The following CHODL variants were observed in gnomAD, a reference collection of about 807,000 sequenced individuals.
The protein encoded by CHODL is transmembrane protein MT75.
CHODL carries 29 observed loss-of-function variants against 34.5 expected under a neutral mutation model. The observed-to-expected ratio is 0.84, with a 90% confidence interval of 0.63 to 1.15. The LOEUF is 1.15. Among genes scored for constraint, CHODL ranks in the 50% most tolerant of loss-of-function variants. The pLI is 0.00. For missense variants in CHODL, 332 were observed against 332.5 expected (o/e 1.00, Z 0.01); for synonymous variants, 125 against 116.1 (o/e 1.08, Z -0.49).
At chr21:18,028,401 A>G (rs1011595156) in intron 2 of CHODL, among the ~76,000 whole-genome samples, 1 of 151,252 alleles carries the variant, frequency 6.6e-6, no homozygotes, top group African/African-American at 2.4e-5. Flanking sequence ...AAGATCAAGA[A>G]CTAGACTTGT....
intron 1 of CHODL, among the ~76,000 whole-genome samples, chr21:17,970,663 A>C (rs1214733639): frequency 6.6e-6 from 1 of 152,040 alleles, no homozygotes; most frequent in African/African-American, 2.4e-5. Flanking sequence ...TAAGTCCTTT[A>C]GTGGTGATTT....
At chr21:18,196,162 A>G (rs2073585566) in intron 2 of CHODL, among the ~76,000 whole-genome samples, 1 of 152,182 alleles carries the variant, frequency 6.6e-6, no homozygotes, top group Admixed American at 6.5e-5. Context: ...ATCTGTATCA[A>G]TCTCTATTTT....
intron 2 of CHODL, among the ~76,000 whole-genome samples, chr21:18,095,592 A>G (rs2065130401): frequency 6.6e-6 from 1 of 152,188 alleles, no homozygotes; most frequent in South Asian, 2.1e-4. Flanking sequence ...AAAAGCTAAT[A>G]CCAGTCCTAC....
intron 1 of CHODL, among the ~76,000 whole-genome samples, chr21:17,976,065 T>G (rs909526000): frequency 3.3e-5 from 5 of 151,946 alleles, no homozygotes; most frequent in Non-Finnish European, 7.4e-5. Context: ...ACTCTAAAAT[T>G]AATGGATTAA....
intron 5 of CHODL, among the ~76,000 whole-genome samples, chr21:18,263,151 G>T (rs1601227349): frequency 6.6e-6 from 1 of 152,076 alleles, no homozygotes; most frequent in African/African-American, 2.4e-5. Flanking sequence ...TACCTAGTCT[G>T]CCTTGGGTAC....
intron 1 of CHODL, among the ~76,000 whole-genome samples, chr21:17,921,232 C>A (rs553034200): frequency 6.6e-6 from 1 of 152,220 alleles, no homozygotes; most frequent in African/African-American, 2.4e-5. Flanking sequence ...GAAGAATTCC[C>A]TCTTGCTTGA....
intron 1 of CHODL, among the ~76,000 whole-genome samples, chr21:17,952,315 A>C (rs539750680): frequency 1.3e-5 from 2 of 152,172 alleles, no homozygotes; most frequent in Admixed American, 6.5e-5. Flanking sequence ...TGACAACCAC[A>C]GGTTTATAGA....
intron 2 of CHODL, among the ~76,000 whole-genome samples, chr21:18,140,665 T>G (rs1251299645): frequency 6.6e-6 from 1 of 152,172 alleles, no homozygotes; most frequent in Non-Finnish European, 1.5e-5. Flanking sequence ...AGAAGGACTC[T>G]GCTTTCATAG....
upstream of CHODL, among the ~76,000 whole-genome samples, chr21:18,242,319 T>G (rs2074090041): frequency 6.6e-6 from 1 of 152,206 alleles, no homozygotes; most frequent in Non-Finnish European, 1.5e-5. Context: ...AATAAAATTA[T>G]TGAATATTTG....
chr21:18,198,935 C>T (rs1007536853), intron 2 of CHODL, among the ~76,000 whole-genome samples: 2 of 152,006 alleles, frequency 1.3e-5, no homozygotes, highest in African/African-American at 4.8e-5. Context: ...TATAAAATTA[C>T]TAGGAAACAG....
chr21:18,208,119 G>T (rs1170965608), intron 2 of CHODL, among the ~76,000 whole-genome samples: 1 of 148,018 alleles, frequency 6.8e-6, no homozygotes, highest in Non-Finnish European at 1.5e-5. Flanking sequence ...ACTGTTTTGA[G>T]TTTATTTCTA....
At chr21:18,201,199 A>G (rs1367632386) in intron 2 of CHODL, among the ~76,000 whole-genome samples, 1 of 152,232 alleles carries the variant, frequency 6.6e-6, no homozygotes, top group Non-Finnish European at 1.5e-5. Context: ...TTATTCCTTA[A>G]CTATAAATGT....
chr21:17,918,161 A>AG (rs138894315), intron 1 of CHODL, among the ~76,000 whole-genome samples: 2 of 152,074 alleles, frequency 1.3e-5, no homozygotes, highest in African/African-American at 2.4e-5. Context: ...ACTGGGGGTG[A>AG]GGGGGGTTTT....
At chr21:17,994,106 A>G (rs931941423) in intron 1 of CHODL, among the ~76,000 whole-genome samples, 20 of 151,608 alleles carry the variant, frequency 1.3e-4, no homozygotes, top group African/African-American at 4.6e-4. Flanking sequence ...GTCTCTATTG[A>G]GTTCTGCTCT....
At position 18,176,931 on chromosome 21, in the gene CHODL, CACA is replaced by C. The variant is rs1445547842; in HGVS notation, c.-44-79574_-44-79572del. 3.3e-5 allele frequency among the ~76,000 whole-genome samples: 5 copies of C among 151,968 alleles called. No individual in the cohort carries two copies. In the East Asian group the frequency reaches 9.6e-4, roughly 29 times the overall value. ...TAAGGAAGACAAAAAGGAAAATAAA[CACA>C]ACATTCATTGCAGAAAGAAGATAAA... On this transcript the variant is annotated intron_variant, in intron 2 of 6. Coordinates refer to the CHODL transcript ENST00000400127.
At position 18,071,239 on chromosome 21, in the gene CHODL, C is replaced by T. The variant is rs568960740; in HGVS notation, c.-45+43268C>T. Among the ~76,000 whole-genome samples, 10 of 149,254 alleles carry T rather than the reference C, an allele frequency of 6.7e-5. 1 individual carries two copies. The highest frequency in any genetic ancestry group is 1.2e-4 in the Non-Finnish European group (8 of 67,518). On this transcript the variant is annotated intron_variant, in intron 2 of 6. Coordinates refer to the CHODL transcript ENST00000400127. ...GCAGCTCACTGCAACCTCTGCTTTC[C>T]GGGTTCAAATGATTCTCCCGCCACA...
intron 2 of CHODL, among the ~76,000 whole-genome samples, chr21:18,042,871 G>A (rs1175184951): frequency 1.3e-5 from 2 of 151,752 alleles, no homozygotes; most frequent in Non-Finnish European, 2.9e-5. Context: ...CAGAAAACTT[G>A]ATTTTGGGGC....
chr21:18,072,845 T>C (rs946890793), intron 2 of CHODL, among the ~76,000 whole-genome samples: 13 of 152,178 alleles, frequency 8.5e-5, no homozygotes, highest in African/African-American at 3.1e-4. Context: ...AAAAAAGTTT[T>C]CTTTTTTCTA....
chr21:18,260,402 GT>G, intron 4 of CHODL, 116 bp downstream of exon 4: 1 of 623,074 alleles, frequency 1.6e-6, no homozygotes, highest in Non-Finnish European at 2.8e-6. Context: ...ACTAAGTATG[GT>G]CCTATGGACA....
Sources: gnomAD v4.1 joint callset for allele counts (sites outside exome capture counted in the v4.1 genomes callset) on GRCh38, gnomAD v4.1.1 for gene constraint, MANE v1.5 for transcripts, NCBI Gene and HGNC (gene_info 2026-07-23, HGNC 2026-07-21) for gene names.